Variants in GIGYF1 observed in about 807,000 individuals in gnomAD.
The protein encoded by GIGYF1 is GRB10-interacting GYF protein 1.
GIGYF1 carries 84 observed loss-of-function variants against 147.1 expected under a neutral mutation model. The ratio of observed to expected loss-of-function variants is 0.57; its 90% CI spans 0.48 to 0.68. The LOEUF is 0.68. Ranked by LOEUF, GIGYF1 falls within the 30% of genes least tolerant of loss-of-function variation. GIGYF1 has a pLI of 0.00. For synonymous variants in GIGYF1, 752 were observed against 589.5 expected (o/e 1.28, Z -3.99); for missense variants, 1,485 against 1,393.7 (o/e 1.07, Z -1.04).
chr7:100,688,067 G>A lies in GIGYF1; in HGVS notation c.79C>T (p.Pro27Ser), dbSNP rs201854546. 1 of 1,612,692 alleles carries A rather than the reference G, an allele frequency of 6.2e-7. No homozygotes were observed. The highest frequency in any genetic ancestry group is 2.2e-5 in the East Asian group (1 of 44,872). ...TTGTATTTGGGCATGGCAGGGGACG[G>A]GGGTGGGGAGGCCACGCTGCCGCCC... ...SGGGSVASPP[P>S]SPAMPKYKLA... is the part of the protein sequence containing the mutation. The change falls in exon 5 of 27, where the codon CCG (proline) becomes TCG (serine). Residue 27 changes from proline to serine, a missense_variant. Pro to Ser is a moderately conservative substitution (Grantham distance 74, BLOSUM62 -1). Transcript: ENST00000678049.
In GIGYF1 at chr7:100,683,370, G is replaced by A. The variant is rs2069708213; in HGVS notation, c.2127C>T (p.Arg709=). Residue 709 remains arginine, a synonymous_variant, in exon 21 of 27, where the codon CGC becomes CGT. Transcript: ENST00000678049. ...EEERKRREEK[R]RQQQQEEQKR... is the part of the protein sequence containing the mutation. ...TCTGCTCCTCCTGCTGCTGCTGGCGGCGCTTCTCCTCTCGACGCTTGCGTT... is the reference window on the plus strand; with the variant it reads ...TCTGCTCCTCCTGCTGCTGCTGGCGACGCTTCTCCTCTCGACGCTTGCGTT... 6.2e-7 allele frequency: 1 copy of A among 1,613,500 alleles called. No homozygotes were observed. The highest frequency in any genetic ancestry group is 8.5e-7 in the Non-Finnish European group (1 of 1,180,032).
chr7:100,685,175 G>T (rs752046513), intron 13 of GIGYF1, 29 bp from the exon 14 acceptor site: 1 of 1,544,678 alleles, frequency 6.5e-7, no homozygotes, highest in Non-Finnish European at 8.8e-7. Context: ...GAGGTGGAAA[G>T]AAGGGCGGGG....
rs765537631 is a variant in GIGYF1, at chr7:100,686,385, C to T, written c.743G>A (p.Arg248His). The change falls in exon 11 of 27, where the codon CGC (arginine) becomes CAC (histidine). Residue 248 changes from arginine to histidine, a missense_variant. Transcript: ENST00000678049. ...CCCTCGCAAATCAAATTCAAACTTGCGCCGCCGTTCCCCATGTTCCCGCCA... is the reference window on the plus strand; with the variant it reads ...CCCTCGCAAATCAAATTCAAACTTGTGCCGCCGTTCCCCATGTTCCCGCCA... ...AGWREHGERRRKFEFDLRGDR... is the reference protein window; with the variant it reads ...AGWREHGERRHKFEFDLRGDR... 38 of 1,609,608 alleles carry T rather than the reference C, an allele frequency of 2.4e-5. No individual in the cohort carries two copies. The highest frequency in any genetic ancestry group is 2.8e-5 in the Non-Finnish European group (33 of 1,177,726).
rs1805160608 is a variant in GIGYF1 at position 100,684,825 on chromosome 7, G to A, written c.1360C>T (p.Gln454Ter). The A allele has an allele frequency of 6.2e-7, 1 of 1,608,592 alleles. No homozygotes were observed. ...LEEEQFTAAM[Q>*]TQGLRHSAAA... The stretch of plus-strand genomic sequence containing the variant: ...GCAGAGTGGCGCAGGCCCTGGGTCT[G>A]CATGGCAGCCGTGAACTGCTCCTCC... Residue 454 changes from glutamine (Q) to a stop codon, truncating the protein, a stop_gained, in exon 15 of 27, where the codon CAG becomes TAG. Coordinates refer to ENST00000678049, the MANE Select transcript of GIGYF1 (RefSeq NM_001375765.1). LOFTEE classifies it high-confidence loss of function.
Position 100,687,323 on chromosome 7 carries a change from G to A in GIGYF1, c.457C>T (p.Gln153Ter). 1 of 1,613,074 alleles carries A rather than the reference G, an allele frequency of 6.2e-7. No homozygotes were observed. The highest frequency in any genetic ancestry group is 8.5e-7 in the Non-Finnish European group (1 of 1,179,940). Residue 153 changes from glutamine (Q) to a stop codon, truncating the protein, a stop_gained, in exon 8 of 27, where the codon CAG becomes TAG. Coordinates refer to ENST00000678049, the MANE Select transcript of GIGYF1 (RefSeq NM_001375765.1). LOFTEE classifies it high-confidence loss of function. Reference protein sequence around the residue: ...GAFGRSPREIQRSQSWDDRGE... With the variant: ...GAFGRSPREI ...CTGTCATCCCAGCTCTGGCTGCGCT[G>A]GATTTCCCGGGGGCTTCGTCCAAAG...
chr7:100,686,126 G>C (rs1213003720), intron 11 of GIGYF1, 47 bp from the exon 12 acceptor site: 1 of 1,602,218 alleles, frequency 6.2e-7, no homozygotes, highest in Non-Finnish European at 8.5e-7. Flanking sequence ...GGGTGGGTGG[G>C]GAGGAAGAGG....
chr7:100,681,758 G>C lies in GIGYF1; in HGVS notation c.3069C>G (p.His1023Gln), dbSNP rs112886587. Residue 1023 changes from histidine to glutamine, a missense_variant, in exon 27 of 27, where the codon CAC (histidine) becomes CAG (glutamine). By Grantham distance (24) the His-to-Gln change is conservative. Coordinates refer to ENST00000678049, the MANE Select transcript of GIGYF1 (RefSeq NM_001375765.1). ...CGCTCTCGATCTCACCAGAAGATCC[G>C]TGCAGGGAGTACCCTGAAGCCGGGG... is the stretch of plus-strand genomic sequence containing the variant. ...SDPSILGYSL[H>Q]GSSGEIESVD... 1.3e-6 allele frequency: 2 copies of C among 1,587,210 alleles called. No individual in the cohort carries two copies. The highest frequency in any genetic ancestry group is 1.7e-6 in the Non-Finnish European group (2 of 1,165,654).
Position 100,684,091 on chromosome 7 carries a change from CGGTGGT to C in GIGYF1, c.1791_1796del (p.Pro601_Pro602del). The C allele has an allele frequency of 6.2e-7, 1 of 1,606,300 alleles. No homozygotes were observed. Among genetic ancestry groups the C allele is most frequent in the Non-Finnish European group, 8.5e-7 (1 of 1,179,450 alleles). On this transcript the variant is annotated inframe_deletion, in exon 18 of 27. Transcript: ENST00000678049. Reference sequence around the variant, plus strand: ...GCTGCTGCTGCTGCTGTGGCGGCGGCGGTGGTGGCGGTGTCAGGTCCCCCAGAGCTG... The same window carrying C: ...GCTGCTGCTGCTGCTGTGGCGGCGGCGGCGGTGTCAGGTCCCCCAGAGCTG...
At position 100,685,259 on chromosome 7, in the gene GIGYF1, C is replaced by G. The variant is rs1338809350; in HGVS notation, c.1192+85G>C. The G allele has an allele frequency of 7.2e-6, 11 of 1,531,768 alleles. No individual in the cohort carries two copies. The South Asian group carries it at 1.3e-4, about 18-fold the overall frequency. The allele number at this position is 1,531,768 out of a possible 1,614,324, so 94.9% of individuals were successfully genotyped here. The stretch of plus-strand genomic sequence containing the variant: ...TTGCCATGGCTCCTCAATGTGAATG[C>G]CCTGTGTGCCCACCCCCACGAGTGG... On this transcript the variant is annotated intron_variant, in intron 13 of 26. Coordinates refer to ENST00000678049, the MANE Select transcript of GIGYF1 (RefSeq NM_001375765.1).
rs1019609332 is a variant in GIGYF1, at chr7:100,686,670, G to A, written c.673C>T (p.Arg225Cys). 6 of 1,612,306 alleles carry A rather than the reference G, an allele frequency of 3.7e-6. No individual in the cohort carries two copies. Among genetic ancestry groups the A allele is most frequent in the East Asian group, 2.2e-5 (1 of 44,764 alleles). Residue 225 changes from arginine (R) to cysteine (C), a missense_variant, in exon 10 of 27, where the codon CGC (arginine) becomes TGC (cysteine). Arg to Cys is a radical substitution (Grantham distance 180). Transcript: ENST00000678049. ...LGAGPRRDGDRWRSASPDGGP... is the reference protein window; with the variant it reads ...LGAGPRRDGDCWRSASPDGGP... ...TCACCAGGGCTGGCGGAGCGCCAGC[G>A]GTCGCCGTCTCGCCGGGGCCCTGCT... is the stretch of plus-strand genomic sequence containing the variant.
chr7:100,687,446 G>A (rs781220505), intron 7 of GIGYF1, 40 bp from the exon 8 acceptor site: 19 of 1,607,284 alleles, frequency 1.2e-5, no homozygotes, highest in Admixed American at 1.2e-4. Context: ...CCTGCTGCAC[G>A]TTCTCGAAGT....
rs759865762 is a variant in GIGYF1, at chr7:100,681,882, A to C, written c.3037T>G (p.Ser1013Ala). The C allele has an allele frequency of 1.6e-5, 25 of 1,612,386 alleles. No individual in the cohort carries two copies. Among genetic ancestry groups the C allele is most frequent in the Non-Finnish European group, 1.9e-5 (23 of 1,179,946 alleles). ...KAKRRALMLH[S>A]DPSILGYSLH... ...AGCTCACCCAGGATGCTGGGGTCTG[A>C]GTGCAGCATCAGTGCCCGCCTCTTG... The change falls in exon 26 of 27, where the codon TCA (serine) becomes GCA (alanine). Residue 1013 changes from serine to alanine, a missense_variant. Transcript: ENST00000678049.
chr7:100,692,085 C>T (rs1805873776), intron 1 of GIGYF1, among the ~76,000 whole-genome samples: 1 of 152,252 alleles, frequency 6.6e-6, no homozygotes, highest in South Asian at 2.1e-4. Flanking sequence ...GTCCCCAATT[C>T]CTCAACACTG....
Position 100,688,472 on chromosome 7 carries a change from T to G in GIGYF1, c.-91A>C, listed in dbSNP as rs887045526. 9 of 693,874 alleles carry G rather than the reference T, an allele frequency of 1.3e-5. No individual in the cohort carries two copies. In the African/African-American group the frequency reaches 1.6e-4, roughly 12 times the overall value. 43.0% of individuals were successfully genotyped at this position (693,874 alleles called of 1,614,324 possible). A position where few individuals can be genotyped will look rare whatever the true frequency, so the allele number is the denominator to read the frequency against. On this transcript the variant is annotated 5_prime_UTR_variant, in exon 3 of 27. It removes the in-frame stop codon of an upstream open reading frame in the 5' UTR. Coordinates refer to ENST00000678049, the MANE Select transcript of GIGYF1 (RefSeq NM_001375765.1). ...TCACCTGAGCCAGCCACGTGGCCACTCACACCATGAGTTACCCAGAGATGA... is the reference window on the plus strand; with the variant it reads ...TCACCTGAGCCAGCCACGTGGCCACGCACACCATGAGTTACCCAGAGATGA...
At chr7:100,687,191 C>A in intron 8 of GIGYF1, 107 bp downstream of exon 8, 1 of 1,456,212 alleles carries the variant, frequency 6.9e-7, no homozygotes, top group South Asian at 1.2e-5. Context: ...GCACCGGGAT[C>A]TCGGACAGGG....
intron 1 of GIGYF1, among the ~76,000 whole-genome samples, chr7:100,693,411 T>C (rs1309724955): frequency 5.9e-5 from 9 of 151,932 alleles, no homozygotes; most frequent in African/African-American, 1.9e-4. Flanking sequence ...CAGTCTCTGC[T>C]AAGGAAGGTA....
rs1156339876 is a variant in GIGYF1 at position 100,682,708 on chromosome 7, G to A, written c.2482C>T (p.Pro828Ser). 1.3e-6 allele frequency: 2 copies of A among 1,585,872 alleles called. No individual in the cohort carries two copies. Among genetic ancestry groups the A allele is most frequent in the Admixed American group, 1.8e-5 (1 of 56,238 alleles). ...CTGCTGCCGCCCCCACTCTTGTCTG[G>A]CCCGCCCCACAGTGGCCCAGCCTCA... ...VSEAGPLWGG[P>S]DKSGGGSSGL... is the part of the protein sequence containing the mutation. Residue 828 changes from proline (P) to serine (S), a missense_variant, in exon 23 of 27, where the codon CCA becomes TCA. Transcript: ENST00000678049.
intron 10 of GIGYF1, 90 bp downstream of exon 10, chr7:100,686,559 G>A: frequency 6.5e-7 from 1 of 1,527,406 alleles, no homozygotes; most frequent in South Asian, 1.2e-5. Flanking sequence ...GCCAGCCTCT[G>A]CTCCCTCCCC....
chr7:100,692,178 G>A (rs1210061688), intron 1 of GIGYF1, among the ~76,000 whole-genome samples: 2 of 152,250 alleles, frequency 1.3e-5, no homozygotes, highest in Non-Finnish European at 2.9e-5. Flanking sequence ...GTAGGGTGAG[G>A]ACGCTGAGGC....
Sources: allele counts gnomAD v4.1 joint callset (sites outside exome capture counted in the v4.1 genomes callset), GRCh38; gene constraint gnomAD v4.1.1; transcripts MANE v1.5; gene names NCBI Gene and HGNC (gene_info 2026-07-23, HGNC 2026-07-21).